The following TTC29 variants were observed in gnomAD, a reference collection of about 807,000 sequenced individuals.
The protein encoded by TTC29 is tetratricopeptide repeat protein 29.
Under a neutral mutation model 58.1 loss-of-function variants are expected in TTC29, and 49 were observed. That is an observed-to-expected ratio of 0.84 (90% CI 0.67 to 1.07). The LOEUF is 1.07. Among genes scored for constraint, TTC29 ranks in the 50% least tolerant of loss-of-function variants. The probability of loss-of-function intolerance (pLI) is 0.00; values close to 1 mark genes in which losing one functional copy is unlikely to be tolerated. For synonymous variants in TTC29, 209 were observed against 196.8 expected, an observed-to-expected ratio of 1.06 and a Z score of -0.52; for missense variants, 582 against 555.6, an observed-to-expected ratio of 1.05 and a Z score of -0.48.
At chr4:146,729,922 A>G (rs13101681) in intron 11 of TTC29, among the ~76,000 whole-genome samples, 9,441 of 152,022 alleles carry the variant, frequency 0.062, 333 homozygotes, top group Middle Eastern at 0.1. Context: ...TATGGGGATT[A>G]CCATTAGAGA....
intron 11 of TTC29, among the ~76,000 whole-genome samples, chr4:146,745,506 A>C (rs1396030104): frequency 6.6e-6 from 1 of 152,220 alleles, no homozygotes; most frequent in Non-Finnish European, 1.5e-5. Flanking sequence ...AGGAATAAAG[A>C]ATGCAGTTTC....
At chr4:146,898,334 A>G (rs1732913976) in intron 6 of TTC29, among the ~76,000 whole-genome samples, 1 of 152,166 alleles carries the variant, frequency 6.6e-6, no homozygotes, top group African/African-American at 2.4e-5. Flanking sequence ...ATGTGTCTTC[A>G]CAATACTGTG....
At chr4:146,826,982 T>G (rs1476336212) in intron 9 of TTC29, among the ~76,000 whole-genome samples, 1 of 152,034 alleles carries the variant, frequency 6.6e-6, no homozygotes, top group African/African-American at 2.4e-5. Context: ...AAACTGGTTA[T>G]TCTAGTTAGG....
intron 11 of TTC29, among the ~76,000 whole-genome samples, chr4:146,799,590 AC>A (rs1750067246): frequency 6.6e-6 from 1 of 152,224 alleles, no homozygotes; most frequent in Non-Finnish European, 1.5e-5. Context: ...GGAAACCTTT[AC>A]ATGCCATTTT....
chr4:146,820,904 C>T (rs1751770361), intron 9 of TTC29, among the ~76,000 whole-genome samples: 1 of 151,848 alleles, frequency 6.6e-6, no homozygotes, highest in South Asian at 2.1e-4. Context: ...TGGTGGTGGG[C>T]ACCTGTAGTC....
At chr4:146,810,985 C>T (rs1295844838) in intron 10 of TTC29, among the ~76,000 whole-genome samples, 1 of 152,188 alleles carries the variant, frequency 6.6e-6, no homozygotes, top group Non-Finnish European at 1.5e-5. Context: ...TTCCCATGTT[C>T]ATATGCCATT....
intron 8 of TTC29, among the ~76,000 whole-genome samples, chr4:146,860,347 C>T (rs1730145293): frequency 6.6e-6 from 1 of 152,050 alleles, no homozygotes; most frequent in African/African-American, 2.4e-5. Context: ...TTTAGTGAAA[C>T]ACTAAGGATA....
intron 8 of TTC29, among the ~76,000 whole-genome samples, chr4:146,853,355 T>C (rs766345750): frequency 6.6e-6 from 1 of 152,126 alleles, no homozygotes; most frequent in Non-Finnish European, 1.5e-5. Context: ...ATAAGTAGGG[T>C]CATAATGTAC....
chr4:146,756,677 G>A (rs536669950), intron 11 of TTC29, among the ~76,000 whole-genome samples: 78 of 151,392 alleles, frequency 5.2e-4, no homozygotes, highest in African/African-American at 1.8e-3. Flanking sequence ...TCTTAGGTTT[G>A]GTCATTTAAC....
At chr4:146,942,299 A>G (rs1009639558) in intron 2 of TTC29, among the ~76,000 whole-genome samples, 4 of 152,256 alleles carry the variant, frequency 2.6e-5, no homozygotes, top group Non-Finnish European at 5.9e-5. Flanking sequence ...TAAAGGGTCT[A>G]TGCTTTAAAG....
At chr4:146,844,666 C>A (rs1351213819) in intron 8 of TTC29, among the ~76,000 whole-genome samples, 1 of 152,112 alleles carries the variant, frequency 6.6e-6, no homozygotes, top group Non-Finnish European at 1.5e-5. Context: ...GAGGCATGAA[C>A]CACTGTGCCC....
chr4:146,788,690 T>G (rs1180943212), intron 11 of TTC29, among the ~76,000 whole-genome samples: 1 of 151,828 alleles, frequency 6.6e-6, no homozygotes, highest in African/African-American at 2.4e-5. Flanking sequence ...GAGCATAATA[T>G]TTAGTGAAAA....
At chr4:146,742,044 A>ATG (rs140117676) in intron 11 of TTC29, among the ~76,000 whole-genome samples, 2,958 of 152,312 alleles carry the variant, frequency 0.019, 59 homozygotes, top group Middle Eastern at 0.031. Context: ...GCAGAAGCCC[A>ATG]CAGGGTCTAA....
intron 6 of TTC29, among the ~76,000 whole-genome samples, chr4:146,876,421 C>A (rs1269539701): frequency 1.3e-5 from 2 of 152,096 alleles, no homozygotes; most frequent in South Asian, 2.1e-4. Context: ...TTAAATTAAC[C>A]TATGCAGGTT....
intron 7 of TTC29, among the ~76,000 whole-genome samples, chr4:146,873,659 C>T (rs1273617826): frequency 2.6e-5 from 4 of 152,182 alleles, no homozygotes; most frequent in Non-Finnish European, 5.9e-5. Context: ...TCTGTGTTTA[C>T]CCCTTTGGGG....
chr4:146,829,518 T>C (rs986656010), intron 9 of TTC29, among the ~76,000 whole-genome samples: 1 of 152,054 alleles, frequency 6.6e-6, no homozygotes, highest in African/African-American at 2.4e-5. Flanking sequence ...CAGGAGAAAA[T>C]GCAAAAAGCT....
At chr4:146,829,881 T>G (rs1246975688) in intron 9 of TTC29, among the ~76,000 whole-genome samples, 1 of 152,190 alleles carries the variant, frequency 6.6e-6, no homozygotes, top group Non-Finnish European at 1.5e-5. Context: ...TTCTCTGTAT[T>G]CTTTTAAATA....
chr4:146,870,406 G>T (rs1432613249), intron 7 of TTC29, among the ~76,000 whole-genome samples: 1 of 151,796 alleles, frequency 6.6e-6, no homozygotes, highest in Non-Finnish European at 1.5e-5. Context: ...TTTAAAATAA[G>T]AAAGTTCTTT....
At chr4:146,773,288 C>T (rs868019487) in intron 11 of TTC29, among the ~76,000 whole-genome samples, 3 of 152,064 alleles carry the variant, frequency 2.0e-5, no homozygotes, top group African/African-American at 4.8e-5. Flanking sequence ...GCATCCTTGT[C>T]TTGTTCTGGT....
Sources: gnomAD v4.1 joint callset for allele counts (sites outside exome capture counted in the v4.1 genomes callset) on GRCh38, gnomAD v4.1.1 for gene constraint, MANE v1.5 for transcripts, NCBI Gene and HGNC (gene_info 2026-07-23, HGNC 2026-07-21) for gene names.